Variants in FAM83B observed in about 807,000 individuals in gnomAD.
FAM83B encodes the protein protein FAM83B.
FAM83B carries 26 observed loss-of-function variants against 38.8 expected under a neutral mutation model. The observed-to-expected ratio is 0.67, with a 90% confidence interval of 0.49 to 0.93. FAM83B has a LOEUF of 0.93. Ranked by LOEUF, FAM83B falls within the 40% of genes least tolerant of loss-of-function variation. FAM83B has a pLI of 0.00. For missense variants in FAM83B, 1,237 were observed against 1,197.3 expected (o/e 1.03, Z -0.49); for synonymous variants, 419 against 423.1 (o/e 0.99, Z 0.12).
intron 2 of FAM83B, among the ~76,000 whole-genome samples, chr6:54,918,416 G>A (rs239804): frequency 0.048 from 7,255 of 152,098 alleles, 224 homozygotes; most frequent in Non-Finnish European, 0.067. Flanking sequence ...CCCCAGACTG[G>A]GTAATTTATA....
At chr6:54,932,152 A>G (rs1437724253) in intron 4 of FAM83B, among the ~76,000 whole-genome samples, 1 of 151,766 alleles carries the variant, frequency 6.6e-6, no homozygotes, top group Non-Finnish European at 1.5e-5. Context: ...CTGTGATTAC[A>G]GGTGTGCACC....
intron 2 of FAM83B, among the ~76,000 whole-genome samples, chr6:54,877,288 T>C (rs2127576993): frequency 6.6e-6 from 1 of 152,124 alleles, no homozygotes; most frequent in East Asian, 1.9e-4. Flanking sequence ...TGAGGCATCT[T>C]ATCAAAAGTT....
intron 2 of FAM83B, among the ~76,000 whole-genome samples, chr6:54,895,469 T>C (rs239852): frequency 0.26 from 40,239 of 152,124 alleles, 7,510 homozygotes; most frequent in African/African-American, 0.53. Context: ...TGATTTTTAC[T>C]ACTTTTTAAA....
rs1010502759 is a variant in FAM83B, at chr6:54,869,547, T to G, written c.-60-640T>G. Reference sequence around the variant, plus strand: ...AAACTCTCATATCTCTTCCGTGATTTTGCTCATGTTTTTATCCTTGTATGG... The same window carrying G: ...AAACTCTCATATCTCTTCCGTGATTGTGCTCATGTTTTTATCCTTGTATGG... On this transcript the variant is annotated intron_variant, in intron 1 of 4. Transcript: ENST00000306858. Among the ~76,000 whole-genome samples the G allele has an allele frequency of 1.3e-5, 2 of 152,174 alleles. 1 individual carries two copies. Among genetic ancestry groups the G allele is most frequent in the African/African-American group, 4.8e-5 (2 of 41,436 alleles).
chr6:54,922,506 CT>C (rs1433809518), intron 2 of FAM83B, among the ~76,000 whole-genome samples: 3 of 151,848 alleles, frequency 2.0e-5, no homozygotes, highest in Non-Finnish European at 4.4e-5. Context: ...GATTTTAAGA[CT>C]TTTTATATAT....
chr6:54,897,380 A>T (rs1008436254), intron 2 of FAM83B, among the ~76,000 whole-genome samples: 1 of 152,176 alleles, frequency 6.6e-6, no homozygotes, highest in Non-Finnish European at 1.5e-5. Context: ...AAATGTTACA[A>T]ATAGGAAAGC....
chr6:54,891,441 A>C (rs997285228), intron 2 of FAM83B, among the ~76,000 whole-genome samples: 2 of 152,106 alleles, frequency 1.3e-5, no homozygotes, highest in African/African-American at 4.8e-5. Context: ...GTTGAAAGTG[A>C]ATGTTTTAAA....
At chr6:54,849,209 A>G (rs1426084900) in intron 1 of FAM83B, among the ~76,000 whole-genome samples, 1 of 152,224 alleles carries the variant, frequency 6.6e-6, no homozygotes. Context: ...TCCATCAAGA[A>G]TCAAAGCCAA....
chr6:54,858,320 C>A (rs1771493147), intron 1 of FAM83B, among the ~76,000 whole-genome samples: 1 of 152,160 alleles, frequency 6.6e-6, no homozygotes, highest in Non-Finnish European at 1.5e-5. Context: ...AAAAGGAGAT[C>A]CTCATCTTGT....
chr6:54,905,668 TAAAA>T (rs1430324969), intron 2 of FAM83B, among the ~76,000 whole-genome samples: 2 of 152,108 alleles, frequency 1.3e-5, no homozygotes, highest in Admixed American at 1.3e-4. Context: ...GTTGAGAAAA[TAAAA>T]AGTTTAGAAA....
At chr6:54,937,089 T>C (rs1433465165) in intron 4 of FAM83B, among the ~76,000 whole-genome samples, 3 of 151,524 alleles carry the variant, frequency 2.0e-5, no homozygotes, top group African/African-American at 7.3e-5. Context: ...TTCCTGCATT[T>C]TTATTGTCTC....
intron 2 of FAM83B, among the ~76,000 whole-genome samples, chr6:54,876,327 G>GTT (rs370217741): frequency 1.6e-4 from 14 of 86,934 alleles, no homozygotes; most frequent in Non-Finnish European, 3.1e-4. Flanking sequence ...ATATGTTTTT[G>GTT]TTTTTTTTTT....
intron 2 of FAM83B, among the ~76,000 whole-genome samples, chr6:54,870,967 G>A (rs960538830): frequency 2.0e-5 from 3 of 152,132 alleles, no homozygotes; most frequent in African/African-American, 7.2e-5. Flanking sequence ...GAGGTATGTT[G>A]ACTAGGAATA....
chr6:54,871,317 C>A (rs1359271915), intron 2 of FAM83B, among the ~76,000 whole-genome samples: 1 of 151,918 alleles, frequency 6.6e-6, no homozygotes, highest in Admixed American at 6.6e-5. Context: ...CTGTAGGACT[C>A]TTTAATCAAG....
intron 1 of FAM83B, among the ~76,000 whole-genome samples, chr6:54,864,241 A>G (rs1771650955): frequency 6.6e-6 from 1 of 152,220 alleles, no homozygotes; most frequent in Non-Finnish European, 1.5e-5. Flanking sequence ...CTGGAATCAT[A>G]TTGGTATGAA....
At chr6:54,873,620 C>G (rs1771917574) in intron 2 of FAM83B, among the ~76,000 whole-genome samples, 3 of 149,740 alleles carry the variant, frequency 2.0e-5, no homozygotes, top group African/African-American at 7.4e-5. Context: ...AGTGAATTGT[C>G]ATGGCATTGT....
At chr6:54,905,129 A>G (rs1772750177) in intron 2 of FAM83B, among the ~76,000 whole-genome samples, 1 of 152,136 alleles carries the variant, frequency 6.6e-6, no homozygotes, top group Non-Finnish European at 1.5e-5. Context: ...AGAGGTGGAG[A>G]AAAGAACCTG....
intron 2 of FAM83B, among the ~76,000 whole-genome samples, chr6:54,888,733 AT>A (rs1048156637): frequency 6.6e-4 from 100 of 150,656 alleles, no homozygotes; most frequent in African/African-American, 2.2e-3. Flanking sequence ...CAGTTTTTAA[AT>A]TTTTTTTTTC....
At chr6:54,864,436 C>T (rs910546961) in intron 1 of FAM83B, among the ~76,000 whole-genome samples, 3 of 151,954 alleles carry the variant, frequency 2.0e-5, no homozygotes, top group Admixed American at 6.6e-5. Flanking sequence ...ATGTTTGCAC[C>T]CAACACCCTG....
Sources: gnomAD v4.1 joint callset for allele counts (sites outside exome capture counted in the v4.1 genomes callset) on GRCh38, gnomAD v4.1.1 for gene constraint, MANE v1.5 for transcripts, NCBI Gene and HGNC (gene_info 2026-07-23, HGNC 2026-07-21) for gene names.